FNDC3B: variants seen among roughly 807,000 people sequenced by gnomAD.
The protein encoded by FNDC3B is fibronectin type III domain-containing protein 3B.
FNDC3B carries 12 observed loss-of-function variants against 151.5 expected under a neutral mutation model. The observed-to-expected ratio is 0.08, with a 90% CI of 0.05 to 0.13. The LOEUF is 0.13. FNDC3B is among the 10% of genes least tolerant of loss of function. The pLI is 1.00. For missense variants in FNDC3B, 1,214 were observed against 1,505.3 expected, an observed-to-expected ratio of 0.81 and a Z score of 3.20; for synonymous variants, 528 against 549.0, an observed-to-expected ratio of 0.96 and a Z score of 0.54.
At chr3:172,361,903 C>T (rs1213965433) in intron 22 of FNDC3B, among the ~76,000 whole-genome samples, 3 of 152,308 alleles carry the variant, frequency 2.0e-5, no homozygotes, top group East Asian at 3.9e-4. Context: ...AACTCCTGGA[C>T]TCAGGCAATC....
In FNDC3B at chr3:172,112,564, T is replaced by C; in HGVS notation, c.85T>C (p.Leu29=). The C allele has an allele frequency of 6.2e-7, 1 of 1,613,730 alleles. No homozygotes were observed. Among genetic ancestry groups the C allele is most frequent in the Non-Finnish European group, 8.5e-7 (1 of 1,179,660 alleles). The change falls in exon 2 of 26, where the codon TTG becomes CTG. Residue 29 remains leucine (L), a synonymous_variant. Coordinates refer to ENST00000415807, the MANE Select transcript of FNDC3B (RefSeq NM_022763.4). The part of the protein sequence containing the change: ...LNGEVAMMPH[L]VNGDAAQQVI... ...CGGAGAGGTAGCCATGATGCCCCAC[T>C]TGGTGAATGGAGATGCAGCTCAGCA...
Position 172,328,953 on chromosome 3 carries a change from G to A in FNDC3B, c.1256G>A (p.Gly419Glu). ...CATTGTTTCATTGTTTACTTTTAGG[G>A]AAAAAGAAATAGTGGTTTCAGACAG... ...ITNYLLEWDE[G>E]KRNSGFRQCF... The change falls in exon 12 of 26, where the codon GGA (glycine) becomes GAA (glutamate). Residue 419 changes from glycine to glutamate, a missense_variant and splice_region_variant. By Grantham distance (98) the Gly-to-Glu change is moderately conservative. Transcript: ENST00000415807. The A allele has an allele frequency of 6.2e-7, 1 of 1,602,396 alleles. No homozygotes were observed. The highest frequency in any genetic ancestry group is 8.5e-7 in the Non-Finnish European group (1 of 1,173,618).
intron 3 of FNDC3B, among the ~76,000 whole-genome samples, chr3:172,217,779 T>C (rs1006194473): frequency 1.6e-4 from 25 of 152,258 alleles, no homozygotes; most frequent in African/African-American, 5.5e-4. Context: ...TAAACCCCGG[T>C]CTTTCTATTC....
At chr3:172,190,843 ATT>A (rs1724471954) in intron 3 of FNDC3B, among the ~76,000 whole-genome samples, 1 of 151,710 alleles carries the variant, frequency 6.6e-6, no homozygotes. Context: ...TAATTTTTTT[ATT>A]GTTAGTAGAG....
At chr3:172,321,189 GGT>G (rs1329715086) in intron 11 of FNDC3B, among the ~76,000 whole-genome samples, 1 of 152,130 alleles carries the variant, frequency 6.6e-6, no homozygotes, top group African/African-American at 2.4e-5. Context: ...TGACTCCTGT[GGT>G]TTTAGGCTAT....
At chr3:172,364,635 G>A (rs182743243) in intron 23 of FNDC3B, among the ~76,000 whole-genome samples, 60 of 152,298 alleles carry the variant, frequency 3.9e-4, no homozygotes, top group Admixed American at 2.0e-4. Context: ...TCCATGACAC[G>A]GTGGCTCCTG....
intron 3 of FNDC3B, among the ~76,000 whole-genome samples, chr3:172,136,868 C>T (rs560857402): frequency 3.9e-5 from 6 of 152,120 alleles, no homozygotes; most frequent in Admixed American, 3.3e-4. Context: ...TACAGGCACA[C>T]GCCACCACAC....
chr3:172,335,158 G>A, intron 15 of FNDC3B, 76 bp downstream of exon 15: 1 of 1,436,104 alleles, frequency 7.0e-7, no homozygotes, highest in Non-Finnish European at 9.2e-7. Flanking sequence ...ATTCATTTTA[G>A]TAGTGACAAG....
At chr3:172,131,607 T>G (rs915593152) in intron 2 of FNDC3B, among the ~76,000 whole-genome samples, 2 of 152,150 alleles carry the variant, frequency 1.3e-5, no homozygotes, top group African/African-American at 4.8e-5. Flanking sequence ...GGGTGAAGCT[T>G]AGTCTGAGTT....
In FNDC3B at chr3:172,207,353, C is replaced by T. The variant is rs955069472; in HGVS notation, c.188-19518C>T. Among the ~76,000 whole-genome samples, 7 of 152,076 alleles carry T rather than the reference C, an allele frequency of 4.6e-5. No individual in the cohort carries two copies. The South Asian group carries it at 1.0e-3, about 23-fold the overall frequency. ...TCCACAATCATTAATATTAAAAATA[C>T]AATGGGTATCAAATAAATAACACAG... is the stretch of plus-strand genomic sequence containing the variant. On this transcript the variant is annotated intron_variant, in intron 3 of 25. Transcript: ENST00000415807.
intron 6 of FNDC3B, among the ~76,000 whole-genome samples, chr3:172,265,226 T>C (rs1728863448): frequency 6.6e-6 from 1 of 152,212 alleles, no homozygotes; most frequent in African/African-American, 2.4e-5. Context: ...ATATGAAAGA[T>C]AATTAATAGG....
At chr3:172,097,815 T>G (rs927123336) in intron 1 of FNDC3B, among the ~76,000 whole-genome samples, 1 of 152,230 alleles carries the variant, frequency 6.6e-6, no homozygotes, top group Non-Finnish European at 1.5e-5. Flanking sequence ...TTATTTATGA[T>G]GGGCATGGAT....
intron 11 of FNDC3B, among the ~76,000 whole-genome samples, chr3:172,323,572 G>A (rs79999774): frequency 0.014 from 2,142 of 152,170 alleles, 65 homozygotes; most frequent in African/African-American, 0.049. Flanking sequence ...CTCCCTTGTG[G>A]GGGGAAAAAG....
At chr3:172,149,944 G>A (rs1363007086) in intron 3 of FNDC3B, among the ~76,000 whole-genome samples, 3 of 149,274 alleles carry the variant, frequency 2.0e-5, no homozygotes, top group African/African-American at 4.9e-5. Context: ...TCAGCCTCTC[G>A]AGTAGCTGGG....
At chr3:172,383,803 A>G (rs1050333176) in intron 25 of FNDC3B, among the ~76,000 whole-genome samples, 3 of 152,250 alleles carry the variant, frequency 2.0e-5, no homozygotes, top group Non-Finnish European at 4.4e-5. Context: ...GAATCAGATC[A>G]ATGACTCTGA....
intron 1 of FNDC3B, among the ~76,000 whole-genome samples, chr3:172,042,477 T>A (rs1432600828): frequency 6.6e-6 from 1 of 152,242 alleles, no homozygotes; most frequent in Non-Finnish European, 1.5e-5. Context: ...GGAAAGTGAC[T>A]TGTTGAGGGT....
intron 25 of FNDC3B, among the ~76,000 whole-genome samples, chr3:172,385,596 T>A (rs576966369): frequency 1.4e-3 from 209 of 151,000 alleles, no homozygotes; most frequent in African/African-American, 4.9e-3. Flanking sequence ...TCTCACTCTG[T>A]CGCCCAGGCT....
At chr3:172,148,404 G>A (rs6792954) in intron 3 of FNDC3B, 59,652 of 151,930 alleles carry the variant, frequency 0.39, 13,519 homozygotes, top group Non-Finnish European at 0.52. Context: ...TATGGAAGTT[G>A]GCTTCATTTT....
At chr3:172,288,455 G>A (rs1335707367) in intron 7 of FNDC3B, among the ~76,000 whole-genome samples, 1 of 152,224 alleles carries the variant, frequency 6.6e-6, no homozygotes, top group Non-Finnish European at 1.5e-5. Flanking sequence ...GAGAAATTCA[G>A]TCAAAAGATA....
Sources: gnomAD v4.1 joint callset for allele counts (sites outside exome capture counted in the v4.1 genomes callset) on GRCh38, gnomAD v4.1.1 for gene constraint, MANE v1.5 for transcripts, NCBI Gene and HGNC (gene_info 2026-07-23, HGNC 2026-07-21) for gene names.